The following KIRREL3 variants were observed in gnomAD, a reference collection of about 807,000 sequenced individuals.
The protein encoded by KIRREL3 is kirre like nephrin family adhesion molecule 3.
KIRREL3 carries 36 observed loss-of-function variants against 89.7 expected under a neutral mutation model. The observed-to-expected ratio is 0.40, with a 90% CI of 0.31 to 0.53. The LOEUF (loss-of-function observed/expected upper bound fraction) is 0.53, where lower values mean the gene tolerates loss of function less well. Ranked by LOEUF, KIRREL3 falls within the 20% of genes least tolerant of loss-of-function variation. The probability of loss-of-function intolerance (pLI) is 0.49; values close to 1 mark genes in which losing one functional copy is unlikely to be tolerated. For missense variants in KIRREL3, 864 were observed against 1,056.6 expected (o/e 0.82, Z 2.53); for synonymous variants, 445 against 441.4 (o/e 1.01, Z -0.10).
At chr11:126,658,787 G>A (rs964565266) in intron 1 of KIRREL3, among the ~76,000 whole-genome samples, 8 of 152,100 alleles carry the variant, frequency 5.3e-5, no homozygotes, top group African/African-American at 1.2e-4. Context: ...CAAGACTGAC[G>A]TTTGGTTAAT....
intron 1 of KIRREL3, among the ~76,000 whole-genome samples, chr11:126,937,707 G>A (rs368276759): frequency 5.9e-5 from 9 of 151,852 alleles, no homozygotes; most frequent in South Asian, 2.1e-4. Context: ...AGACCATCCT[G>A]GCTAACACAG....
Position 126,535,572 on chromosome 11 carries a change from C to T in KIRREL3, c.134-8885G>A, listed in dbSNP as rs562403990. ...AGGGCAGCACTGCAGGGTGCTGGGTCGGGTGTGTGTGTGTGTGTGTGCACG... is the reference window on the plus strand; with the variant it reads ...AGGGCAGCACTGCAGGGTGCTGGGTTGGGTGTGTGTGTGTGTGTGTGCACG... On this transcript the variant is annotated intron_variant, in intron 2 of 16. Transcript: ENST00000525144. This position sits in a 1 kb window ranked among gnomAD's most constrained non-coding sequence, Gnocchi z 4.5. Among the ~76,000 whole-genome samples the T allele has an allele frequency of 3.6e-4, 42 of 115,248 alleles. No individual in the cohort carries two copies. Among genetic ancestry groups the T allele is most frequent in the Non-Finnish European group, 6.5e-4 (36 of 55,666 alleles). 75.6% of individuals were successfully genotyped at this position (115,248 alleles called of 152,430 possible). A position where few individuals can be genotyped will look rare whatever the true frequency, so the allele number is the denominator to read the frequency against.
Position 126,876,718 on chromosome 11 carries a change from T to G in KIRREL3, c.55+123737A>C, listed in dbSNP as rs1460947200. 6.6e-6 allele frequency among the ~76,000 whole-genome samples: 1 copy of G among 152,018 alleles called. No homozygotes were observed. The highest frequency in any genetic ancestry group is 1.5e-5 in the Non-Finnish European group (1 of 68,006). On this transcript the variant is annotated intron_variant, in intron 1 of 16. Transcript: ENST00000525144. This position sits in a 1 kb window ranked among gnomAD's most constrained non-coding sequence, Gnocchi z 4.1. ...ATGCCCAGCTAATTTTTTTGTATTT[T>G]TAGTAGAGATGGGGTTTCACCATGT...
intron 1 of KIRREL3, among the ~76,000 whole-genome samples, chr11:126,967,724 G>A (rs1002347066): frequency 6.6e-5 from 10 of 152,080 alleles, no homozygotes; most frequent in Non-Finnish European, 1.5e-4. Context: ...AATGAAAATG[G>A]TAGTGGTTCT....
In KIRREL3 at chr11:126,526,644, C is replaced by A; in HGVS notation, c.177G>T (p.Val59=). ...GTAGCGTCACTGGCTGTCCCGACAC[C>A]ACCACCTGGTCCTGGGGCTGCTGGC... ...SFSQQPQDQV[V]VSGQPVTLLC... Residue 59 remains valine (V), a synonymous_variant, in exon 3 of 17, where the codon GTG becomes GTT. Transcript: ENST00000525144. The surrounding 1 kb of genome is among the most constrained non-coding windows in gnomAD (Gnocchi z 5.7). The A allele has an allele frequency of 1.9e-6, 3 of 1,584,920 alleles. No homozygotes were observed. The highest frequency in any genetic ancestry group is 2.6e-6 in the Non-Finnish European group (3 of 1,165,604).
Position 126,424,566 on chromosome 11 carries a change from G to T in KIRREL3, c.*14C>A. ...CCTCTTCCCTGGCCCGTCCCCACCCGCGGTGTGTGATCCTTAGACGTGAGT... is the reference window on the plus strand; with the variant it reads ...CCTCTTCCCTGGCCCGTCCCCACCCTCGGTGTGTGATCCTTAGACGTGAGT... On this transcript the variant is annotated 3_prime_UTR_variant, in exon 17 of 17. Coordinates refer to ENST00000525144, the MANE Select transcript of KIRREL3 (RefSeq NM_032531.4). 6.2e-7 allele frequency: 1 copy of T among 1,612,148 alleles called. No individual in the cohort carries two copies. The highest frequency in any genetic ancestry group is 2.2e-5 in the East Asian group (1 of 44,848).
intron 1 of KIRREL3, among the ~76,000 whole-genome samples, chr11:126,577,366 G>A (rs887297448): frequency 2.0e-5 from 3 of 151,956 alleles, no homozygotes; most frequent in African/African-American, 7.3e-5. Context: ...AGGTCTCTGG[G>A]AAAAAGGTCC....
At position 126,562,216 on chromosome 11, in the gene KIRREL3, C is replaced by A. The variant is rs1940178981; in HGVS notation, c.133+619G>T. Among the ~76,000 whole-genome samples, 1 of 152,260 alleles carries A rather than the reference C, an allele frequency of 6.6e-6. No individual in the cohort carries two copies. The highest frequency in any genetic ancestry group is 2.1e-4 in the South Asian group (1 of 4,822). ...TACAGCAGACCCGTAAGTGACAGCA[C>A]TCCTCCTCCCAGCCTCTATGCCAAT... On this transcript the variant is annotated intron_variant, in intron 2 of 16. Coordinates refer to ENST00000525144, the MANE Select transcript of KIRREL3 (RefSeq NM_032531.4). This position sits in a 1 kb window ranked among gnomAD's most constrained non-coding sequence, Gnocchi z 4.7.
intron 1 of KIRREL3, among the ~76,000 whole-genome samples, chr11:126,751,083 G>A (rs1234543379): frequency 2.0e-5 from 3 of 152,166 alleles, no homozygotes; most frequent in Non-Finnish European, 2.9e-5. Flanking sequence ...TCAATGCTGT[G>A]GAATTTACCA....
chr11:126,424,537 C>A lies in KIRREL3; in HGVS notation c.*43G>T. The A allele has an allele frequency of 6.3e-7, 1 of 1,594,814 alleles. No homozygotes were observed. Among genetic ancestry groups the A allele is most frequent in the Non-Finnish European group, 8.6e-7 (1 of 1,166,906 alleles). Reference sequence around the variant, plus strand: ...CGTCCCTGGACAACCAGAACGTGCCCTGACCTCTTCCCTGGCCCGTCCCCA... The same window carrying A: ...CGTCCCTGGACAACCAGAACGTGCCATGACCTCTTCCCTGGCCCGTCCCCA... On this transcript the variant is annotated 3_prime_UTR_variant, in exon 17 of 17. Transcript: ENST00000525144.
chr11:126,711,241 C>T (rs4084258), intron 1 of KIRREL3, among the ~76,000 whole-genome samples: 9,286 of 152,228 alleles, frequency 0.061, 777 homozygotes, highest in African/African-American at 0.19. Context: ...CTGCCTGATG[C>T]GCGAGCACAT....
intron 2 of KIRREL3, among the ~76,000 whole-genome samples, chr11:126,540,565 C>T (rs906682361): frequency 2.6e-5 from 4 of 152,234 alleles, no homozygotes; most frequent in Non-Finnish European, 4.4e-5. Flanking sequence ...TGATCAGGCT[C>T]GCGGCCCCTG....
rs1431552314 is a variant in KIRREL3, at chr11:126,492,946, C to T, written c.434-19480G>A. Among the ~76,000 whole-genome samples, 1 of 152,184 alleles carries T rather than the reference C, an allele frequency of 6.6e-6. No individual in the cohort carries two copies. The highest frequency in any genetic ancestry group is 2.4e-5 in the African/African-American group (1 of 41,450). ...TTAGACATGCCGCAGAACTTCCTGG[C>T]CGTGGGCTGAGTGACCCAAAAGGCC... On this transcript the variant is annotated intron_variant, in intron 4 of 16. Transcript: ENST00000525144. The surrounding 1 kb of genome is among the most constrained non-coding windows in gnomAD (Gnocchi z 4.8).
At chr11:126,941,955 A>T (rs1000823634) in intron 1 of KIRREL3, among the ~76,000 whole-genome samples, 2 of 152,250 alleles carry the variant, frequency 1.3e-5, no homozygotes, top group African/African-American at 4.8e-5. Flanking sequence ...AGACAATGTG[A>T]CAATGAGTAT....
At position 126,523,020 on chromosome 11, in the gene KIRREL3, C is replaced by T. The variant is rs949436103; in HGVS notation, c.284-1556G>A. Among the ~76,000 whole-genome samples, 31 of 152,206 alleles carry T rather than the reference C, an allele frequency of 2.0e-4. No individual in the cohort carries two copies. The highest frequency in any genetic ancestry group is 6.5e-4 in the African/African-American group (27 of 41,450). ...ACAGGCAGGGAGACCTGCAAGAGCT[C>T]GCCTCAAGTATTTCAAAGAATCTCT... On this transcript the variant is annotated intron_variant, in intron 3 of 16. Transcript: ENST00000525144. This position sits in a 1 kb window ranked among gnomAD's most constrained non-coding sequence, Gnocchi z 4.9.
chr11:126,896,226 A>G lies in KIRREL3; in HGVS notation c.55+104229T>C, dbSNP rs1468343746. ...TCTCCAGGACTCTGTGAGTTCTCTAATCCACTGCTAGGCAGTAGGATACCT... is the reference window on the plus strand; with the variant it reads ...TCTCCAGGACTCTGTGAGTTCTCTAGTCCACTGCTAGGCAGTAGGATACCT... On this transcript the variant is annotated intron_variant, in intron 1 of 16. Coordinates refer to ENST00000525144, the MANE Select transcript of KIRREL3 (RefSeq NM_032531.4). The surrounding 1 kb of genome is among the most constrained non-coding windows in gnomAD (Gnocchi z 4.1). Among the ~76,000 whole-genome samples, 10 of 152,244 alleles carry G rather than the reference A, an allele frequency of 6.6e-5. No homozygotes were observed. The highest frequency in any genetic ancestry group is 6.5e-4 in the Admixed American group (10 of 15,292).
rs370125488 is a variant in KIRREL3 at position 126,683,642 on chromosome 11, C to T, written c.56-120730G>A. ...TGCTCATGATTGGCCAGGGCATTGA[C>T]GGCAGAATCGTAAGGATCACAGAGA... On this transcript the variant is annotated intron_variant, in intron 1 of 16. Transcript: ENST00000525144. The surrounding 1 kb of genome is among the most constrained non-coding windows in gnomAD (Gnocchi z 5.2). 4.6e-5 allele frequency among the ~76,000 whole-genome samples: 7 copies of T among 152,188 alleles called. No homozygotes were observed. Among genetic ancestry groups the T allele is most frequent in the Admixed American group, 6.5e-5 (1 of 15,288 alleles).
rs996680633 is a variant in KIRREL3, at chr11:126,763,080, C to T, written c.56-200168G>A. Among the ~76,000 whole-genome samples, 1 of 152,098 alleles carries T rather than the reference C, an allele frequency of 6.6e-6. No homozygotes were observed. The highest frequency in any genetic ancestry group is 1.5e-5 in the Non-Finnish European group (1 of 68,032). On this transcript the variant is annotated intron_variant, in intron 1 of 16. Coordinates refer to ENST00000525144, the MANE Select transcript of KIRREL3 (RefSeq NM_032531.4). The surrounding 1 kb of genome is among the most constrained non-coding windows in gnomAD (Gnocchi z 4.7). ...AGAGGGGCTATGCCCAGGAGTATTG[C>T]CCCAACTTCCAAACACATTCCTATC...
rs58257040 is a variant in KIRREL3, at chr11:126,689,042, AAG to A, written c.56-126132_56-126131del. On this transcript the variant is annotated intron_variant, in intron 1 of 16. Transcript: ENST00000525144. This position sits in a 1 kb window ranked among gnomAD's most constrained non-coding sequence, Gnocchi z 5.2. ...ATGTGTGTGTGTGTAAGGGGGAGAG[AAG>A]AGAGAGAGAGAGAGAGAGAGAGAGA... 0.019 allele frequency among the ~76,000 whole-genome samples: 2,421 copies of A among 129,486 alleles called. 12 individuals are homozygous for A. The highest frequency in any genetic ancestry group is 0.025 in the Middle Eastern group (6 of 240). 84.9% of individuals were successfully genotyped at this position (129,486 alleles called of 152,430 possible). A position where few individuals can be genotyped will look rare whatever the true frequency, so the allele number is the denominator to read the frequency against.
Sources: allele counts gnomAD v4.1 joint callset (sites outside exome capture counted in the v4.1 genomes callset), GRCh38; gene constraint gnomAD v4.1.1; non-coding constraint Gnocchi (gnomAD v3.1); transcripts MANE v1.5; gene names NCBI Gene and HGNC (gene_info 2026-07-23, HGNC 2026-07-21).